Variants in CSPG4 observed in about 807,000 individuals in gnomAD.
The protein encoded by CSPG4 is chondroitin sulfate proteoglycan 4 (melanoma-associated).
Under a neutral mutation model 139.3 loss-of-function variants are expected in CSPG4, and 74 were observed. That is an observed-to-expected ratio of 0.53 (90% confidence interval 0.44 to 0.64). CSPG4 has a LOEUF of 0.64. CSPG4 is among the 30% of genes least tolerant of loss of function. The pLI is 0.00. For missense variants in CSPG4, 2,565 were observed against 3,148.3 expected, an observed-to-expected ratio of 0.81 and a Z score of 4.43; for synonymous variants, 1,234 against 1,394.2, an observed-to-expected ratio of 0.89 and a Z score of 2.56.
chr15:75,678,009 G>C (rs1893918170), intron 8 of CSPG4, 123 bp from the exon 9 acceptor site: 1 of 832,544 alleles, frequency 1.2e-6, no homozygotes, highest in Non-Finnish European at 1.8e-6. Flanking sequence ...CTGTGCGTGT[G>C]ACCCGCTGTC....
intron 4 of CSPG4, 97 bp downstream of exon 4, chr15:75,685,120 CCT>C (rs2141426257): frequency 6.9e-7 from 1 of 1,456,198 alleles, no homozygotes; most frequent in East Asian, 2.3e-5. Flanking sequence ...CTCCCCGTCT[CCT>C]CTCTGTGTAT....
In CSPG4 at chr15:75,676,525, C is replaced by G. The variant is rs746983658; in HGVS notation, c.5994G>C (p.Ser1998=). ...GGTCTATCTGGAATTGGCTGAAGGC[C>G]GAGGTGGGCCGCCCGCCCACCAGGA... ...GHLLVGGRPT[S]AFSQFQIDQG... The change falls in exon 10 of 10, where the codon TCG becomes TCC. Residue 1998 remains serine (S), a synonymous_variant. Coordinates refer to ENST00000308508, the MANE Select transcript of CSPG4 (RefSeq NM_001897.5). 1 of 1,613,718 alleles carries G rather than the reference C, an allele frequency of 6.2e-7. No individual in the cohort carries two copies. Among genetic ancestry groups the G allele is most frequent in the South Asian group, 1.1e-5 (1 of 91,088 alleles).
At position 75,682,277 on chromosome 15, in the gene CSPG4, A is replaced by T; in HGVS notation, c.4950+16T>A. 6.3e-7 allele frequency: 1 copy of T among 1,596,522 alleles called. No homozygotes were observed. The highest frequency in any genetic ancestry group is 8.5e-7 in the Non-Finnish European group (1 of 1,179,842). On this transcript the variant is annotated intron_variant, in intron 8 of 9. Transcript: ENST00000308508. The stretch of plus-strand genomic sequence containing the variant: ...CTGGGGGCATCTGAGTGGTGGCTGC[A>T]AAGTTGGGCCCTTACCTCTGCCTGA...
At chr15:75,706,061 G>A (rs1185829436) in intron 1 of CSPG4, among the ~76,000 whole-genome samples, 1 of 152,194 alleles carries the variant, frequency 6.6e-6, no homozygotes, top group Non-Finnish European at 1.5e-5. Context: ...AGCTGCAGGA[G>A]AGCTGGTCTG....
rs758735146 is a variant in CSPG4 at position 75,690,109 on chromosome 15, C to T, written c.956G>A (p.Arg319Gln). ...CAGCCCCCCGAGAAGGAGACTGCCC[C>T]GTGGCTCCAGGTAGCTGAGGACTCC... ...NRGVLSYLEPRGSLLLGGLDA... is the reference protein window; with the variant it reads ...NRGVLSYLEPQGSLLLGGLDA... The change falls in exon 3 of 10, where the codon CGG (arginine) becomes CAG (glutamine). Residue 319 changes from arginine to glutamine, a missense_variant. This residue lies in a region of CSPG4 where 2,316 missense variants were observed against 2,818.2 expected (regional missense o/e 0.82). Coordinates refer to ENST00000308508, the MANE Select transcript of CSPG4 (RefSeq NM_001897.5). 77 of 1,612,648 alleles carry T rather than the reference C, an allele frequency of 4.8e-5. No individual in the cohort carries two copies. The South Asian group carries it at 5.8e-4, about 12-fold the overall frequency.
At chr15:75,710,933 TCTC>T (rs1487823137) in intron 1 of CSPG4, among the ~76,000 whole-genome samples, 1 of 151,988 alleles carries the variant, frequency 6.6e-6, no homozygotes, top group African/African-American at 2.4e-5. Flanking sequence ...CCTTGTGGCA[TCTC>T]CTTTGCCAAC....
intron 8 of CSPG4, chr15:75,678,652 C>T (rs1221283774): frequency 6.6e-6 from 3 of 456,096 alleles, no homozygotes; most frequent in South Asian, 4.6e-5. Flanking sequence ...CTGCACCTGG[C>T]CAGAAAAAAC....
chr15:75,691,383 A>G (rs1368383824), intron 2 of CSPG4, among the ~76,000 whole-genome samples: 1 of 152,232 alleles, frequency 6.6e-6, no homozygotes, highest in Non-Finnish European at 1.5e-5. Context: ...CTCGCCCACA[A>G]GGAACTGACA....
Position 75,688,527 on chromosome 15 carries a change from G to A in CSPG4, c.2538C>T (p.Gly846=). ...CAGCCTGTATGTCATCCTGGGTGAA[G>A]CCCTGGCCATCTGACAGCCTTGTGC... ...LQGTRLSDGQ[G]FTQDDIQAGR... Residue 846 remains glycine (G), a synonymous_variant, in exon 3 of 10, where the codon GGC becomes GGT. Transcript: ENST00000308508. The A allele has an allele frequency of 6.2e-7, 1 of 1,613,234 alleles. No individual in the cohort carries two copies. Among genetic ancestry groups the A allele is most frequent in the Non-Finnish European group, 8.5e-7 (1 of 1,180,040 alleles).
At chr15:75,701,484 C>T (rs191382520) in intron 1 of CSPG4, among the ~76,000 whole-genome samples, 4 of 152,240 alleles carry the variant, frequency 2.6e-5, no homozygotes, top group East Asian at 3.9e-4. Context: ...TCAGAGATCC[C>T]GAGACTGAGA....
chr15:75,713,176 G>A (rs1894473160), upstream of CSPG4, among the ~76,000 whole-genome samples: 1 of 152,218 alleles, frequency 6.6e-6, no homozygotes. Context: ...TTCTGCCTTT[G>A]CGGGAGTTCA....
At chr15:75,678,007 G>A (rs1893918146) in intron 8 of CSPG4, 121 bp from the exon 9 acceptor site, 3 of 831,076 alleles carry the variant, frequency 3.6e-6, no homozygotes, top group African/African-American at 1.8e-5. Flanking sequence ...GTCTGTGCGT[G>A]TGACCCGCTG....
At chr15:75,706,345 C>A (rs1894371507) in intron 1 of CSPG4, among the ~76,000 whole-genome samples, 2 of 152,068 alleles carry the variant, frequency 1.3e-5, no homozygotes, top group Admixed American at 1.3e-4. Context: ...TGGCTCGGGG[C>A]AGGACACTCT....
intron 8 of CSPG4, among the ~76,000 whole-genome samples, chr15:75,681,630 G>C (rs761287474): frequency 2.6e-5 from 4 of 152,234 alleles, no homozygotes; most frequent in Non-Finnish European, 5.9e-5. Context: ...AACAACTCCT[G>C]TTCTGTCTTC....
chr15:75,706,247 G>A (rs1480856425), intron 1 of CSPG4, among the ~76,000 whole-genome samples: 2 of 152,344 alleles, frequency 1.3e-5, no homozygotes, highest in East Asian at 3.9e-4. Flanking sequence ...TGTCTCCCCA[G>A]AGAGTGGACT....
intron 1 of CSPG4, among the ~76,000 whole-genome samples, chr15:75,701,987 T>C (rs556063147): frequency 6.6e-6 from 1 of 152,350 alleles, no homozygotes; most frequent in African/African-American, 2.4e-5. Flanking sequence ...CTTCCTCTCT[T>C]GCTCCCTGGT....
rs768101533 is a variant in CSPG4 at position 75,676,269 on chromosome 15, G to A, written c.6250C>T (p.Arg2084Cys). The change falls in exon 10 of 10, where the codon CGC (arginine) becomes TGC (cysteine). Residue 2084 changes from arginine to cysteine, a missense_variant. Arg to Cys is a radical substitution (Grantham distance 180). Coordinates refer to ENST00000308508, the MANE Select transcript of CSPG4 (RefSeq NM_001897.5). ...CCATGCCGGGGTCCCTCCAGGAGGC[G>A]GAAGCGCGGCACACTGCCTGTGCGG... ...ANRTGSVPRF[R>C]LLEGPRHGRV... 17 of 1,577,610 alleles carry A rather than the reference G, an allele frequency of 1.1e-5. No homozygotes were observed. Among genetic ancestry groups the A allele is most frequent in the South Asian group, 4.5e-5 (4 of 88,650 alleles).
chr15:75,676,729 G>T lies in CSPG4; in HGVS notation c.5790C>A (p.Pro1930=). 6.3e-7 allele frequency: 1 copy of T among 1,577,476 alleles called. No homozygotes were observed. The part of the protein sequence containing the change: ...SMSDGASPPL[P]MSLAVDILPS... The stretch of plus-strand genomic sequence containing the variant: ...GTAGGATGTCCACAGCCAGGGACAT[G>T]GGCAGGGGTGGGCTGGCCCCATCAG... Residue 1930 remains proline, a synonymous_variant, in exon 10 of 10, where the codon CCC becomes CCA. Transcript: ENST00000308508.
Position 75,687,954 on chromosome 15 carries a change from C to T in CSPG4, c.3111G>A (p.Leu1037=), listed in dbSNP as rs1217414810. 1 of 1,612,746 alleles carries T rather than the reference C, an allele frequency of 6.2e-7. No homozygotes were observed. Among genetic ancestry groups the T allele is most frequent in the African/African-American group, 1.3e-5 (1 of 74,958 alleles). Residue 1037 remains leucine, a synonymous_variant, in exon 3 of 10, where the codon CTG becomes CTA. Transcript: ENST00000308508. The surrounding 1 kb of genome is among the most constrained non-coding windows in gnomAD (Gnocchi z 5.4). ...FHVARGGRRL[L]TTDDVAFSDA... is the part of the protein sequence containing the mutation. ...CGCTGAAGGCCACGTCGTCTGTAGT[C>T]AGCAGCCGCCGCCCACCCCGGGCCA... is the stretch of plus-strand genomic sequence containing the variant.
Sources: gnomAD v4.1 joint callset for allele counts (sites outside exome capture counted in the v4.1 genomes callset) on GRCh38, gnomAD v4.1.1 for gene constraint, gnomAD v4.1.1 regional missense constraint, Gnocchi (gnomAD v3.1) non-coding constraint, MANE v1.5 for transcripts, NCBI Gene and HGNC (gene_info 2026-07-23, HGNC 2026-07-21) for gene names.